Variants in MTA3 observed in about 807,000 individuals in gnomAD.
The protein encoded by MTA3 is metastasis associated 1 family member 3, also known as metastasis-associated protein MTA3.
Under a neutral mutation model 83.5 loss-of-function variants are expected in MTA3, and 34 were observed. The ratio of observed to expected loss-of-function variants is 0.41; its 90% CI spans 0.31 to 0.54. The LOEUF (loss-of-function observed/expected upper bound fraction) is 0.54. MTA3 is among the 20% of genes least tolerant of loss of function. MTA3 has a pLI of 0.33. For missense variants in MTA3, 761 were observed against 726.4 expected (o/e 1.05, Z -0.55); for synonymous variants, 303 against 252.7 (o/e 1.20, Z -1.89).
intron 11 of MTA3, among the ~76,000 whole-genome samples, chr2:42,699,518 AAG>A (rs1048850590): frequency 5.3e-5 from 8 of 152,318 alleles, no homozygotes; most frequent in African/African-American, 1.7e-4. Flanking sequence ...AAAGAGGACT[AAG>A]AGTAGATGCA....
intron 2 of MTA3, among the ~76,000 whole-genome samples, chr2:42,523,111 A>C (rs1219311524): frequency 2.0e-5 from 3 of 152,108 alleles, no homozygotes; most frequent in Non-Finnish European, 4.4e-5. Context: ...CACCCAGCCC[A>C]AAGATGAACT....
intron 9 of MTA3, among the ~76,000 whole-genome samples, chr2:42,692,202 G>A (rs1346433510): frequency 6.6e-6 from 1 of 152,100 alleles, no homozygotes; most frequent in African/African-American, 2.4e-5. Flanking sequence ...CAAATAGCCT[G>A]TCTTCAGGCT....
At chr2:42,627,306 G>A (rs1012190309) in intron 4 of MTA3, among the ~76,000 whole-genome samples, 1 of 152,010 alleles carries the variant, frequency 6.6e-6, no homozygotes, top group East Asian at 1.9e-4. Flanking sequence ...TCTAACTCCT[G>A]GCCTCAAGTG....
At chr2:42,693,926 G>C (rs1182715788) in intron 9 of MTA3, among the ~76,000 whole-genome samples, 1 of 151,838 alleles carries the variant, frequency 6.6e-6, no homozygotes, top group African/African-American at 2.4e-5. Flanking sequence ...TACTACCCAG[G>C]CATTGCTGCT....
intron 2 of MTA3, among the ~76,000 whole-genome samples, chr2:42,511,383 C>T (rs1005914712): frequency 3.3e-5 from 5 of 151,816 alleles, no homozygotes; most frequent in African/African-American, 1.2e-4. Context: ...AGGCATTTGC[C>T]TCAGTTTACT....
intron 1 of MTA3, among the ~76,000 whole-genome samples, chr2:42,569,190 G>A (rs986995329): frequency 6.7e-6 from 1 of 149,092 alleles, no homozygotes; most frequent in East Asian, 1.9e-4. Context: ...TGGGAGCCTG[G>A]GGTGGGGGTG....
intron 2 of MTA3, among the ~76,000 whole-genome samples, chr2:42,548,966 G>A (rs1447598508): frequency 1.6e-4 from 21 of 129,170 alleles, no homozygotes; most frequent in African/African-American, 6.3e-4. Context: ...CCTGAGGTCA[G>A]GAGATCAAGA....
intron 8 of MTA3, among the ~76,000 whole-genome samples, chr2:42,681,724 G>C (rs968522363): frequency 6.6e-6 from 1 of 151,248 alleles, no homozygotes; most frequent in Non-Finnish European, 1.5e-5. Flanking sequence ...TGCCCACACT[G>C]GTCTTAAAAC....
Position 42,755,572 on chromosome 2 carries a change from A to C in MTA3, c.*2173A>C, listed in dbSNP as rs573697705. ...CATCCTAGGAGGGTGATGTTGACTG[A>C]GACTTCACGCTCTCCCTTTGTCTCT... On this transcript the variant is annotated 3_prime_UTR_variant, in exon 17 of 17. Transcript: ENST00000405094. 1.1e-5 allele frequency: 11 copies of C among 985,478 alleles called. No individual in the cohort carries two copies. In the East Asian group the frequency reaches 1.1e-3, roughly 102 times the overall value. 61.0% of individuals were successfully genotyped at this position (985,478 alleles called of 1,614,324 possible). A position where few individuals can be genotyped will look rare whatever the true frequency, so the allele number is the denominator to read the frequency against.
chr2:42,564,912 G>A (rs1295939099), upstream of MTA3, among the ~76,000 whole-genome samples: 1 of 152,092 alleles, frequency 6.6e-6, no homozygotes. Flanking sequence ...GAGTAGCTGG[G>A]ACTACAGGCG....
intron 9 of MTA3, among the ~76,000 whole-genome samples, chr2:42,693,620 G>T (rs765718295): frequency 6.6e-6 from 1 of 151,966 alleles, no homozygotes. Flanking sequence ...GGGGAATGCT[G>T]TCCGGCCTGG....
intron 16 of MTA3, among the ~76,000 whole-genome samples, chr2:42,727,569 A>G (rs12624104): frequency 0.54 from 82,621 of 152,048 alleles, 23,063 homozygotes; most frequent in African/African-American, 0.67. Flanking sequence ...CCTGAAGAGA[A>G]GGCAGCAGGG....
chr2:42,598,474 T>C (rs911730644), intron 3 of MTA3, among the ~76,000 whole-genome samples: 10 of 152,212 alleles, frequency 6.6e-5, no homozygotes, highest in Admixed American at 2.0e-4. Context: ...ATTTTAGACC[T>C]GTAAGGACCT....
chr2:42,510,363 A>G (rs911170282), intron 2 of MTA3, among the ~76,000 whole-genome samples: 1 of 150,080 alleles, frequency 6.7e-6, no homozygotes, highest in African/African-American at 2.5e-5. Context: ...AGCTGGCCCC[A>G]ATCCTGGGTC....
intron 2 of MTA3, among the ~76,000 whole-genome samples, chr2:42,512,348 C>A (rs548823299): frequency 6.6e-6 from 1 of 152,244 alleles, no homozygotes; most frequent in East Asian, 1.9e-4. Flanking sequence ...GATTCCACTT[C>A]CAGTGCTGTA....
At chr2:42,720,754 C>T (rs1274488525) in intron 15 of MTA3, among the ~76,000 whole-genome samples, 4 of 151,602 alleles carry the variant, frequency 2.6e-5, no homozygotes, top group Non-Finnish European at 5.9e-5. Context: ...GGAGTTTGAG[C>T]CTGGGTAACA....
At chr2:42,719,153 T>A (rs998406813) in intron 15 of MTA3, 79 bp downstream of exon 15, 1 of 1,026,074 alleles carries the variant, frequency 9.7e-7, no homozygotes, top group South Asian at 1.4e-5. Flanking sequence ...TAAATGGACA[T>A]ACCTAAACTA....
At chr2:42,708,185 C>A in intron 13 of MTA3, 131 bp downstream of exon 13, 1 of 912,204 alleles carries the variant, frequency 1.1e-6, no homozygotes. Flanking sequence ...CGTAGCACTA[C>A]AATATTCAGG....
At chr2:42,580,173 T>C (rs956081287) in intron 3 of MTA3, among the ~76,000 whole-genome samples, 3 of 151,054 alleles carry the variant, frequency 2.0e-5, no homozygotes, top group Non-Finnish European at 4.4e-5. Flanking sequence ...TCTGGAACTC[T>C]TGGGCTCAAG....
Sources: gnomAD v4.1 joint callset for allele counts (sites outside exome capture counted in the v4.1 genomes callset) on GRCh38, gnomAD v4.1.1 for gene constraint, MANE v1.5 for transcripts, NCBI Gene and HGNC (gene_info 2026-07-23, HGNC 2026-07-21) for gene names.